The following BAG5 variants were observed in gnomAD, a reference collection of about 807,000 sequenced individuals.
BAG5 encodes BAG family molecular chaperone regulator 5.
A neutral mutation model predicts 31.8 loss-of-function variants in BAG5; 25 were observed. That is an observed-to-expected ratio of 0.79 (90% confidence interval 0.57 to 1.10). BAG5 has a LOEUF of 1.10. Ranked by LOEUF, BAG5 falls within the 50% of genes least tolerant of loss-of-function variation. The probability of loss-of-function intolerance (pLI) is 0.00; values close to 1 mark genes in which losing one functional copy is unlikely to be tolerated. For missense variants in BAG5, 491 were observed against 527.9 expected, an observed-to-expected ratio of 0.93 and a Z score of 0.68; for synonymous variants, 208 against 205.0, an observed-to-expected ratio of 1.01 and a Z score of -0.13.
In BAG5 at chr14:103,559,566, T is replaced by C; in HGVS notation, c.*255A>G. 2.5e-6 allele frequency: 1 copy of C among 399,076 alleles called. No homozygotes were observed. Among genetic ancestry groups the C allele is most frequent in the East Asian group, 4.4e-5 (1 of 22,794 alleles). 24.7% of individuals were successfully genotyped at this position (399,076 alleles called of 1,614,324 possible). A position where few individuals can be genotyped will look rare whatever the true frequency, so the allele number is the denominator to read the frequency against. ...AAGCTGCCTCTATTTTGTTTTCTGA[T>C]TAAAAACGCAAAAAAAAGGACAAAC... On this transcript the variant is annotated 3_prime_UTR_variant, in exon 2 of 2. Transcript: ENST00000299204.
At chr14:103,561,260 A>T in intron 1 of BAG5, 68 bp from the exon 2 acceptor site, 1 of 1,447,048 alleles carries the variant, frequency 6.9e-7, no homozygotes, top group Non-Finnish European at 9.2e-7. Context: ...TGGTATATTA[A>T]GTCATTCTAA....
chr14:103,560,602 A>G lies in BAG5; in HGVS notation c.563T>C (p.Phe188Ser), dbSNP rs368579842. ...GGCCTTGTTCACCTCACACATCACGAAGTTGATTTTGGCAACGGAAGGATG... is the reference window on the plus strand; with the variant it reads ...GGCCTTGTTCACCTCACACATCACGGAGTTGATTTTGGCAACGGAAGGATG... ...DAHPSVAKINFVMCEVNKARG... is the reference protein window; with the variant it reads ...DAHPSVAKINSVMCEVNKARG... The change falls in exon 2 of 2, where the codon TTC becomes TCC. Residue 188 changes from phenylalanine to serine, a missense_variant. Phe to Ser is a radical substitution (Grantham distance 155). Coordinates refer to ENST00000299204, the MANE Select transcript of BAG5 (RefSeq NM_001015048.3). The G allele has an allele frequency of 2.5e-6, 4 of 1,614,098 alleles. No homozygotes were observed. The highest frequency in any genetic ancestry group is 2.5e-6 in the Non-Finnish European group (3 of 1,180,016).
In BAG5 at chr14:103,560,543, T is replaced by C. The variant is rs2076064673; in HGVS notation, c.622A>G (p.Asn208Asp). ...GVLIALLMGV[N>D]NNETCRHLSC... is the part of the protein sequence containing the mutation. ...AAGTGCCTGCAGGTCTCATTGTTGT[T>C]CACACCCATCAGAAGTGCAATCAGG... is the stretch of plus-strand genomic sequence containing the variant. The change falls in exon 2 of 2, where the codon AAC (asparagine) becomes GAC (aspartate). Residue 208 changes from asparagine to aspartate, a missense_variant. Physicochemically the swap from Asn to Asp is conservative, Grantham distance 23. Transcript: ENST00000299204. The C allele has an allele frequency of 6.2e-7, 1 of 1,613,948 alleles. No homozygotes were observed. The highest frequency in any genetic ancestry group is 1.3e-5 in the African/African-American group (1 of 74,904).
At position 103,562,005 on chromosome 14, in the gene BAG5, C is replaced by T. The variant is rs754600751; in HGVS notation, c.-29+611G>A. ...TCAAGGTGGGTAACCAATGGAAACGCATAATCTATCCCCGGCGGATGTCCT... is the reference window on the plus strand; with the variant it reads ...TCAAGGTGGGTAACCAATGGAAACGTATAATCTATCCCCGGCGGATGTCCT... On this transcript the variant is annotated intron_variant, in intron 1 of 1. Transcript: ENST00000299204. The T allele has an allele frequency of 2.8e-5, 45 of 1,611,144 alleles. 1 individual carries two copies. The highest frequency in any genetic ancestry group is 3.5e-5 in the Non-Finnish European group (41 of 1,177,440).
rs748217159 is a variant in BAG5 at position 103,560,575 on chromosome 14, C to T, written c.590G>A (p.Arg197Gln). 3.7e-6 allele frequency: 6 copies of T among 1,614,082 alleles called. No homozygotes were observed. Among genetic ancestry groups the T allele is most frequent in the Middle Eastern group, 1.6e-4 (1 of 6,062 alleles). The change falls in exon 2 of 2, where the codon CGA becomes CAA. Residue 197 changes from arginine to glutamine, a missense_variant. Physicochemically the swap from Arg to Gln is conservative, Grantham distance 43. Transcript: ENST00000299204. ...NFVMCEVNKA[R>Q]GVLIALLMGV... ...CATCAGAAGTGCAATCAGGACCCCT[C>T]GGGCCTTGTTCACCTCACACATCAC...
chr14:103,560,963 T>G lies in BAG5; in HGVS notation c.202A>C (p.Arg68=), dbSNP rs1312854493. 2.5e-6 allele frequency: 4 copies of G among 1,614,222 alleles called. No individual in the cohort carries two copies. In the East Asian group the frequency reaches 8.9e-5, roughly 36 times the overall value. The change falls in exon 2 of 2, where the codon AGG becomes CGG. Residue 68 remains arginine, a synonymous_variant. Coordinates refer to ENST00000299204, the MANE Select transcript of BAG5 (RefSeq NM_001015048.3). ...TCTGTCTCCTGTGCTGCCCGCTTCCTAGCTTGCTGAATATCTCCTTTTCCT... is the reference window on the plus strand; with the variant it reads ...TCTGTCTCCTGTGCTGCCCGCTTCCGAGCTTGCTGAATATCTCCTTTTCCT... ...TEGKGDIQQA[R]KRAAQETERL... is the part of the protein sequence containing the mutation.
Position 103,559,737 on chromosome 14 carries a change from T to C in BAG5, c.*84A>G. ...AAATACTGAGACTGAAATATGCACG[T>C]ATAAATCAATGAACTGAAAGCTCTC... On this transcript the variant is annotated 3_prime_UTR_variant, in exon 2 of 2. Coordinates refer to ENST00000299204, the MANE Select transcript of BAG5 (RefSeq NM_001015048.3). 6.8e-7 allele frequency: 1 copy of C among 1,470,854 alleles called. No homozygotes were observed. The highest frequency in any genetic ancestry group is 2.1e-5 in the Admixed American group (1 of 46,940). The allele number at this position is 1,470,854 out of a possible 1,614,324, so 91.1% of individuals were successfully genotyped here. A position where few individuals can be genotyped will look rare whatever the true frequency, so the allele number is the denominator to read the frequency against.
rs375948162 is a variant in BAG5 at position 103,561,192 on chromosome 14, A to C, written c.-28T>G. 1.6e-5 allele frequency: 26 copies of C among 1,583,078 alleles called. No individual in the cohort carries two copies. Among genetic ancestry groups the C allele is most frequent in the Non-Finnish European group, 2.1e-5 (25 of 1,173,032 alleles). On this transcript the variant is annotated splice_region_variant and 5_prime_UTR_variant, in exon 2 of 2. Coordinates refer to ENST00000299204, the MANE Select transcript of BAG5 (RefSeq NM_001015048.3). ...TTTTGTTGTGTTCAGTTTCACAAGC[A>C]CTAAAAGACGACAAGAATGATAACT...
Position 103,560,341 on chromosome 14 carries a change from G to C in BAG5, c.824C>G (p.Ser275Cys), listed in dbSNP as rs772310219. Residue 275 changes from serine to cysteine, a missense_variant, in exon 2 of 2, where the codon TCC becomes TGC. Ser to Cys is a moderately radical substitution (Grantham distance 112). Transcript: ENST00000299204. ...GAGGACCTTTTCTATTTTTAAAATG[G>C]AATGATTCTGTCTCAGGTCAAATGC... ...TKAFDLRQNH[S>C]ILKIEKVLKR... is the part of the protein sequence containing the mutation. 1 of 1,614,000 alleles carries C rather than the reference G, an allele frequency of 6.2e-7. No homozygotes were observed. Among genetic ancestry groups the C allele is most frequent in the Non-Finnish European group, 8.5e-7 (1 of 1,180,008 alleles).
In BAG5 at chr14:103,560,894, G is replaced by A. The variant is rs979960247; in HGVS notation, c.271C>T (p.Arg91Trp). 1.2e-6 allele frequency: 2 copies of A among 1,614,072 alleles called. No individual in the cohort carries two copies. Among genetic ancestry groups the A allele is most frequent in the Non-Finnish European group, 1.7e-6 (2 of 1,180,038 alleles). The change falls in exon 2 of 2, where the codon CGG becomes TGG. Residue 91 changes from arginine to tryptophan, a missense_variant. Transcript: ENST00000299204. ...TCAAAAATGTTCTGTATTTCAATCC[G>A]GTGTGGGTGGTTTGCATTCTGCTCC... Reference protein sequence around the residue: ...ELEQNANHPHRIEIQNIFEEA... With the variant: ...ELEQNANHPHWIEIQNIFEEA...
At position 103,560,070 on chromosome 14, in the gene BAG5, G is replaced by C. The variant is rs1367467504; in HGVS notation, c.1095C>G (p.Ser365=). 2 of 1,614,170 alleles carry C rather than the reference G, an allele frequency of 1.2e-6. No homozygotes were observed. Among genetic ancestry groups the C allele is most frequent in the East Asian group, 4.5e-5 (2 of 44,888 alleles). ...CAAGGACGTTCCAGACGGCTTTATG[G>C]GATGGGTGCTCCTCACAAGCAAACA... ...RKLFACEEHP[S]HKAVWNVLGN... Residue 365 remains serine (S), a synonymous_variant, in exon 2 of 2, where the codon TCC becomes TCG. Coordinates refer to ENST00000299204, the MANE Select transcript of BAG5 (RefSeq NM_001015048.3).
chr14:103,560,505 G>A lies in BAG5; in HGVS notation c.660C>T (p.Leu220=), dbSNP rs751335526. The stretch of plus-strand genomic sequence containing the variant: ...CATCCAGGTCAGCGATCAGCCCCGA[G>A]AGCACACAGGATAAGTGCCTGCAGG... ...NETCRHLSCV[L]SGLIADLDAL... is the part of the protein sequence containing the mutation. Residue 220 remains leucine (L), a synonymous_variant, in exon 2 of 2, where the codon CTC becomes CTT. Coordinates refer to ENST00000299204, the MANE Select transcript of BAG5 (RefSeq NM_001015048.3). The A allele has an allele frequency of 1.2e-6, 2 of 1,614,028 alleles. No individual in the cohort carries two copies. The highest frequency in any genetic ancestry group is 1.7e-6 in the Non-Finnish European group (2 of 1,180,014).
chr14:103,560,942 T>C lies in BAG5; in HGVS notation c.223A>G (p.Thr75Ala). The C allele has an allele frequency of 6.2e-7, 1 of 1,614,200 alleles. No individual in the cohort carries two copies. Among genetic ancestry groups the C allele is most frequent in the Non-Finnish European group, 8.5e-7 (1 of 1,180,038 alleles). ...TCCAACTCTTTGAGAAGACGTTCTG[T>C]CTCCTGTGCTGCCCGCTTCCTAGCT... ...QQARKRAAQE[T>A]ERLLKELEQN... Residue 75 changes from threonine to alanine, a missense_variant, in exon 2 of 2, where the codon ACA becomes GCA. Thr to Ala is a moderately conservative substitution (Grantham distance 58, BLOSUM62 0). Transcript: ENST00000299204.
Position 103,558,530 on chromosome 14 carries a change from T to A in BAG5, c.*1291A>T, listed in dbSNP as rs143809081. ...CACTTCAGAACTTTGGGAAATCATT[T>A]TGTACCGGATCCTCAGAAAGCATTT... On this transcript the variant is annotated 3_prime_UTR_variant, in exon 2 of 2. Coordinates refer to ENST00000299204, the MANE Select transcript of BAG5 (RefSeq NM_001015048.3). 102 of 152,306 alleles carry A rather than the reference T, an allele frequency of 6.7e-4. 1 individual carries two copies. The highest frequency in any genetic ancestry group is 2.3e-3 in the African/African-American group (97 of 41,562). 9.4% of individuals were successfully genotyped at this position (152,306 alleles called of 1,614,324 possible). A position where few individuals can be genotyped will look rare whatever the true frequency, so the allele number is the denominator to read the frequency against.
chr14:103,559,114 T>C lies in BAG5; in HGVS notation c.*707A>G, dbSNP rs2076054290. 1 of 152,114 alleles carries C rather than the reference T, an allele frequency of 6.6e-6. No homozygotes were observed. Among genetic ancestry groups the C allele is most frequent in the Admixed American group, 6.6e-5 (1 of 15,242 alleles). The allele number at this position is 152,114 out of a possible 1,614,324, so 9.4% of individuals were successfully genotyped here. On this transcript the variant is annotated 3_prime_UTR_variant, in exon 2 of 2. Transcript: ENST00000299204. ...TTACAAACAAAAGCAACTTACAAGG[T>C]ATTATTGCTGGTCCTTTATCCCTTC...
chr14:103,560,562 A>C lies in BAG5; in HGVS notation c.603T>G (p.Ile201Met). 1.2e-6 allele frequency: 2 copies of C among 1,614,106 alleles called. No individual in the cohort carries two copies. Among genetic ancestry groups the C allele is most frequent in the Non-Finnish European group, 1.7e-6 (2 of 1,180,010 alleles). The change falls in exon 2 of 2, where the codon ATT becomes ATG. Residue 201 changes from isoleucine (I) to methionine (M), a missense_variant. Ile to Met is a conservative substitution (Grantham distance 10). Coordinates refer to ENST00000299204, the MANE Select transcript of BAG5 (RefSeq NM_001015048.3). ...TGTTGTTCACACCCATCAGAAGTGC[A>C]ATCAGGACCCCTCGGGCCTTGTTCA... is the stretch of plus-strand genomic sequence containing the variant. ...CEVNKARGVL[I>M]ALLMGVNNNE...
Position 103,560,320 on chromosome 14 carries a change from A to C in BAG5, c.845T>G (p.Val282Gly), listed in dbSNP as rs768889647. Reference protein sequence around the residue: ...QNHSILKIEKVLKRMREIKNE... With the variant: ...QNHSILKIEKGLKRMREIKNE... ...TTTTATTTCTCTCATTCTCTTGAGG[A>C]CCTTTTCTATTTTTAAAATGGAATG... Residue 282 changes from valine to glycine, a missense_variant, in exon 2 of 2, where the codon GTC (valine) becomes GGC (glycine). Coordinates refer to ENST00000299204, the MANE Select transcript of BAG5 (RefSeq NM_001015048.3). 2.5e-6 allele frequency: 4 copies of C among 1,613,984 alleles called. 1 individual carries two copies. The South Asian group carries it at 4.4e-5, about 18-fold the overall frequency.
rs192732420 is a variant in BAG5 at position 103,560,625 on chromosome 14, A to G, written c.540T>C (p.His180=). The G allele has an allele frequency of 1.2e-6, 2 of 1,614,186 alleles. No individual in the cohort carries two copies. Among genetic ancestry groups the G allele is most frequent in the Admixed American group, 1.7e-5 (1 of 60,010 alleles). The change falls in exon 2 of 2, where the codon CAT becomes CAC. Residue 180 remains histidine, a synonymous_variant. Transcript: ENST00000299204. ...QPSLPLSEDA[H]PSVAKINFVM... ...CGAAGTTGATTTTGGCAACGGAAGGATGTGCATCCTCGGAAAGCGGCAGGG... is the reference window on the plus strand; with the variant it reads ...CGAAGTTGATTTTGGCAACGGAAGGGTGTGCATCCTCGGAAAGCGGCAGGG...
intron 1 of BAG5, chr14:103,562,205 T>A: frequency 1.7e-6 from 1 of 591,088 alleles, no homozygotes; most frequent in East Asian, 2.8e-5. Flanking sequence ...GGCCCCCAGC[T>A]GCATGCCTCG....
Sources: gnomAD v4.1 joint callset for allele counts on GRCh38, gnomAD v4.1.1 for gene constraint, MANE v1.5 for transcripts, NCBI Gene and HGNC (gene_info 2026-07-23, HGNC 2026-07-21) for gene names.